Variants in CMC2 observed in about 807,000 individuals in gnomAD.
The protein encoded by CMC2 is C-X9-C motif containing 2.
Under a neutral mutation model 7.5 loss-of-function variants are expected in CMC2, and 5 were observed. The ratio of observed to expected loss-of-function variants is 0.66; its 90% CI spans 0.35 to 1.40. The LOEUF (loss-of-function observed/expected upper bound fraction) is 1.40. Ranked by LOEUF, CMC2 falls within the 40% of genes most tolerant of loss-of-function variation. CMC2 has a pLI of 0.04. For synonymous variants in CMC2, 37 were observed against 31.4 expected, an observed-to-expected ratio of 1.18 and a Z score of -0.60; for missense variants, 115 against 92.3, an observed-to-expected ratio of 1.25 and a Z score of -1.01.
intron 1 of CMC2, chr16:80,999,098 A>G (rs975887321): frequency 9.2e-5 from 14 of 152,204 alleles, no homozygotes; most frequent in African/African-American, 3.4e-4. Context: ...AGCCAAAGCA[A>G]TCAGTCAAGA....
chr16:81,004,538 A>T (rs1969102612), intron 1 of CMC2, among the ~76,000 whole-genome samples: 1 of 152,128 alleles, frequency 6.6e-6, no homozygotes, highest in Admixed American at 6.5e-5. Context: ...TCCCTCCTCA[A>T]TCCAGCCCCA....
At chr16:81,003,183 C>T (rs1013054101) in intron 1 of CMC2, among the ~76,000 whole-genome samples, 3 of 152,318 alleles carry the variant, frequency 2.0e-5, no homozygotes, top group Non-Finnish European at 4.4e-5. Context: ...AATGTTCTCT[C>T]AGAACACATG....
At chr16:80,983,157 A>C (rs1967259648) in intron 2 of CMC2, 1 of 152,316 alleles carries the variant, frequency 6.6e-6, no homozygotes, top group Non-Finnish European at 1.5e-5. Context: ...TAATACATAT[A>C]ACATACAAAA....
Position 80,971,545 on chromosome 16 carries a change from A to C in CMC2, c.*4548T>G, listed in dbSNP as rs1383456160. 1 of 124,158 alleles carries C rather than the reference A, an allele frequency of 8.1e-6. No homozygotes were observed. The highest frequency in any genetic ancestry group is 1.6e-5 in the Non-Finnish European group (1 of 62,354). 7.7% of individuals were successfully genotyped at this position (124,158 alleles called of 1,614,324 possible). On this transcript the variant is annotated 3_prime_UTR_variant, in exon 4 of 4. Transcript: ENST00000219400. ...CATGCAAAATAAAATATGGCTATGG[A>C]TACTGACATACATACATTTTATATA...
rs1555512300 is a variant in CMC2 at position 80,971,564 on chromosome 16, T to TATATATATATATATATATATATA, written c.*4528_*4529insTATATATATATATATATATATAT. 129 of 121,198 alleles carry TATATATATATATATATATATATA rather than the reference T, an allele frequency of 1.1e-3. 2 individuals are homozygous for TATATATATATATATATATATATA. Among genetic ancestry groups the TATATATATATATATATATATATA allele is most frequent in the African/African-American group, 4.7e-3 (121 of 25,710 alleles). 7.5% of individuals were successfully genotyped at this position (121,198 alleles called of 1,614,324 possible). On this transcript the variant is annotated 3_prime_UTR_variant, in exon 4 of 4. Transcript: ENST00000219400. ...CTATGGATACTGACATACATACATTTTATATATATATATATATATATGTAT... is the reference window on the plus strand; with the variant it reads ...CTATGGATACTGACATACATACATTTATATATATATATATATATATATATATATATATATATATATATATGTAT...
intron 2 of CMC2, among the ~76,000 whole-genome samples, chr16:80,995,763 G>A (rs1354157513): frequency 6.6e-6 from 1 of 152,158 alleles, no homozygotes; most frequent in African/African-American, 2.4e-5. Flanking sequence ...TGGGCAAGAC[G>A]TAAGTTAAGG....
At chr16:80,991,389 C>G (rs1484597553) in intron 2 of CMC2, among the ~76,000 whole-genome samples, 1 of 152,156 alleles carries the variant, frequency 6.6e-6, no homozygotes, top group Non-Finnish European at 1.5e-5. Flanking sequence ...AATACCAGCA[C>G]TTTGGTAGGC....
At chr16:81,002,620 T>C (rs1318542345) in intron 1 of CMC2, among the ~76,000 whole-genome samples, 1 of 152,186 alleles carries the variant, frequency 6.6e-6, no homozygotes, top group African/African-American at 2.4e-5. Flanking sequence ...AGAAGACACT[T>C]GACTGAGACA....
intron 3 of CMC2, among the ~76,000 whole-genome samples, chr16:80,979,493 TAAAAACATGAA>T (rs1966947925): frequency 6.6e-6 from 1 of 151,806 alleles, no homozygotes; most frequent in African/African-American, 2.4e-5. Context: ...GAAAAAAATT[TAAAAACATGAA>T]AAAAACCTAT....
At position 80,968,728 on chromosome 16, in the gene CMC2, G is replaced by C. The variant is rs1413711441; in HGVS notation, c.*7365C>G. 1 of 152,082 alleles carries C rather than the reference G, an allele frequency of 6.6e-6. No homozygotes were observed. 9.4% of individuals were successfully genotyped at this position (152,082 alleles called of 1,614,324 possible). On this transcript the variant is annotated 3_prime_UTR_variant, in exon 4 of 4. Coordinates refer to ENST00000219400, the MANE Select transcript of CMC2 (RefSeq NM_020188.5). ...GCATATATCAAATATAGTTTTTAAA[G>C]GTGTAGTTGAGCTCACAAGAAAGGA...
At chr16:80,977,673 CTAGA>C (rs1912580151) in intron 3 of CMC2, among the ~76,000 whole-genome samples, 1 of 152,138 alleles carries the variant, frequency 6.6e-6, no homozygotes, top group African/African-American at 2.4e-5. Context: ...AGGAGGTGGG[CTAGA>C]TAATCTTTAA....
chr16:81,004,593 T>C (rs1969105549), intron 1 of CMC2, among the ~76,000 whole-genome samples: 1 of 152,242 alleles, frequency 6.6e-6, no homozygotes. Flanking sequence ...TCCACTGAAA[T>C]TCCTTAAAAT....
intron 2 of CMC2, 151 bp from the exon 3 acceptor site, chr16:80,982,028 G>A (rs1967159159): frequency 1.5e-5 from 8 of 542,342 alleles, no homozygotes; most frequent in Non-Finnish European, 2.3e-5. Context: ...AAACACAGTT[G>A]GCCCTTGAAC....
intron 1 of CMC2, among the ~76,000 whole-genome samples, chr16:81,003,811 C>T (rs1969036637): frequency 1.3e-5 from 2 of 152,170 alleles, no homozygotes; most frequent in South Asian, 2.1e-4. Flanking sequence ...GTATTTGTCA[C>T]TAGTCAGCTA....
At chr16:81,001,404 C>A (rs1968854934) in intron 1 of CMC2, 1 of 151,812 alleles carries the variant, frequency 6.6e-6, no homozygotes, top group Admixed American at 6.6e-5. Flanking sequence ...ATACGAGGCA[C>A]CTAAAGTAGT....
chr16:81,004,302 C>T (rs1263420331), intron 1 of CMC2, among the ~76,000 whole-genome samples: 3 of 152,084 alleles, frequency 2.0e-5, no homozygotes, highest in Non-Finnish European at 4.4e-5. Flanking sequence ...TTGGATGTTT[C>T]CAGTGAAATA....
Position 80,971,697 on chromosome 16 carries a change from G to A in CMC2, c.*4396C>T, listed in dbSNP as rs1911941523. On this transcript the variant is annotated 3_prime_UTR_variant, in exon 4 of 4. Coordinates refer to ENST00000219400, the MANE Select transcript of CMC2 (RefSeq NM_020188.5). ...AAGAAATAAGTGGAACGGGCTTGGG[G>A]TGACAAACACAGGAGGCTTTACCCA... The A allele has an allele frequency of 6.6e-6, 1 of 150,706 alleles. No individual in the cohort carries two copies. The highest frequency in any genetic ancestry group is 2.5e-5 in the African/African-American group (1 of 40,640). The allele number at this position is 150,706 out of a possible 1,614,324, so 9.3% of individuals were successfully genotyped here. A position where few individuals can be genotyped will look rare whatever the true frequency, so the allele number is the denominator to read the frequency against.
intron 2 of CMC2, chr16:80,982,225 C>A (rs148696165): frequency 4.9e-4 from 82 of 165,862 alleles, no homozygotes; most frequent in African/African-American, 1.8e-3. Context: ...AAATACTGGC[C>A]GGGCACGGTA....
At position 80,966,501 on chromosome 16, in the gene CMC2, A is replaced by G. The variant is rs922343879; in HGVS notation, c.*9592T>C. The G allele has an allele frequency of 7.9e-5, 12 of 152,202 alleles. No individual in the cohort carries two copies. The highest frequency in any genetic ancestry group is 6.5e-5 in the Admixed American group (1 of 15,274). 9.4% of individuals were successfully genotyped at this position (152,202 alleles called of 1,614,324 possible). On this transcript the variant is annotated 3_prime_UTR_variant, in exon 4 of 4. Transcript: ENST00000219400. ...GTTTTGACTTGAATTTTACACTTGTATCTTGTTTTGGTCTTAGGTTGAAAA... is the reference window on the plus strand; with the variant it reads ...GTTTTGACTTGAATTTTACACTTGTGTCTTGTTTTGGTCTTAGGTTGAAAA...
Sources: gnomAD v4.1 joint callset for allele counts (sites outside exome capture counted in the v4.1 genomes callset) on GRCh38, gnomAD v4.1.1 for gene constraint, MANE v1.5 for transcripts, NCBI Gene and HGNC (gene_info 2026-07-23, HGNC 2026-07-21) for gene names.